TMPRSS15: variants seen among roughly 807,000 people sequenced by gnomAD.
TMPRSS15 encodes the protein transmembrane serine protease 15.
TMPRSS15 carries 128 observed loss-of-function variants against 125.3 expected under a neutral mutation model. The observed-to-expected ratio is 1.02, with a 90% CI of 0.89 to 1.18. TMPRSS15 has a LOEUF of 1.18. TMPRSS15 is among the 50% of genes most tolerant of loss of function. The pLI is 0.00. For missense variants in TMPRSS15, 1,283 were observed against 1,212.7 expected, an observed-to-expected ratio of 1.06 and a Z score of -0.86; for synonymous variants, 446 against 423.2, an observed-to-expected ratio of 1.05 and a Z score of -0.66.
intron 17 of TMPRSS15, 129 bp from the exon 18 acceptor site, chr21:18,313,206 C>A: frequency 1.4e-6 from 1 of 734,104 alleles, no homozygotes; most frequent in Non-Finnish European, 2.4e-6. Flanking sequence ...TCTTGCACAG[C>A]ACTGTGACTA....
Position 18,403,607 on chromosome 21 carries a change from C to T in TMPRSS15, c.16G>A (p.Gly6Ser), listed in dbSNP as rs772148376. The change falls in exon 1 of 25, where the codon GGC becomes AGC. Residue 6 changes from glycine (G) to serine (S), a missense_variant. Transcript: ENST00000284885. ...AGAGAATGATGCCTAGAAGATATGC[C>T]TCTTTTCGACCCCATTTTTGGTTTT... MGSKR[G>S]ISSRHHSLSS... 11 of 1,614,070 alleles carry T rather than the reference C, an allele frequency of 6.8e-6. No homozygotes were observed. The East Asian group carries it at 2.0e-4, about 29-fold the overall frequency.
intron 24 of TMPRSS15, among the ~76,000 whole-genome samples, chr21:18,273,030 C>T (rs189560023): frequency 1.2e-4 from 18 of 152,180 alleles, no homozygotes; most frequent in Admixed American, 1.2e-3. Flanking sequence ...TGTGATGAGC[C>T]CTGATAATTT....
At chr21:18,377,761 G>A (rs2824784) in intron 5 of TMPRSS15, among the ~76,000 whole-genome samples, 12,594 of 152,048 alleles carry the variant, frequency 0.083, 614 homozygotes, top group Non-Finnish European at 0.11. Context: ...TGTAGTTTAC[G>A]TGTAGAAGAG....
chr21:18,275,175 G>A (rs1365711471), intron 24 of TMPRSS15, 22 bp downstream of exon 24: 2 of 1,612,960 alleles, frequency 1.2e-6, no homozygotes, highest in Admixed American at 3.3e-5. Context: ...AAAAGGTACA[G>A]TGAGCAGTTT....
At chr21:18,285,263 T>A (rs2074749205) in intron 21 of TMPRSS15, among the ~76,000 whole-genome samples, 1 of 152,154 alleles carries the variant, frequency 6.6e-6, no homozygotes, top group Admixed American at 6.5e-5. Context: ...TGTGGCAATG[T>A]GCTGATGTGA....
upstream of TMPRSS15, among the ~76,000 whole-genome samples, chr21:18,406,103 AG>A (rs1350448223): frequency 6.6e-6 from 1 of 152,160 alleles, no homozygotes; most frequent in Non-Finnish European, 1.5e-5. Context: ...CTCCATGAGA[AG>A]GGCTGGGAAG....
At chr21:18,393,726 T>C (rs1569053549) in intron 3 of TMPRSS15, among the ~76,000 whole-genome samples, 1 of 152,188 alleles carries the variant, frequency 6.6e-6, no homozygotes, top group East Asian at 1.9e-4. Flanking sequence ...ACCTTAATCA[T>C]CACATAAATT....
intron 16 of TMPRSS15, among the ~76,000 whole-genome samples, chr21:18,320,756 T>C (rs983282248): frequency 2.6e-5 from 4 of 152,236 alleles, no homozygotes; most frequent in African/African-American, 9.6e-5. Flanking sequence ...TTCAAAATTT[T>C]CCTTACACGC....
chr21:18,372,208 C>G lies in TMPRSS15; in HGVS notation c.649G>C (p.Asp217His). 2 of 1,606,686 alleles carry G rather than the reference C, an allele frequency of 1.2e-6. No individual in the cohort carries two copies. The highest frequency in any genetic ancestry group is 1.3e-5 in the African/African-American group (1 of 74,326). Reference sequence around the variant, plus strand: ...GAGAACTTACCACACATTTTATTGTCTTCGTCAGAACCATCTGGACAGTTT... The same window carrying G: ...GAGAACTTACCACACATTTTATTGTGTTCGTCAGAACCATCTGGACAGTTT... ...EVNCPDGSDE[D>H]NKMCATVCDG... is the part of the protein sequence containing the mutation. Residue 217 changes from aspartate to histidine, a missense_variant, in exon 6 of 25, where the codon GAC (aspartate) becomes CAC (histidine). Coordinates refer to ENST00000284885, the MANE Select transcript of TMPRSS15 (RefSeq NM_002772.3).
chr21:18,279,170 G>A, intron 22 of TMPRSS15, 111 bp from the exon 23 acceptor site: 4 of 673,014 alleles, frequency 5.9e-6, no homozygotes, highest in South Asian at 1.7e-5. Flanking sequence ...TAAAAAACAT[G>A]TATTTTTTTT....
At chr21:18,351,821 A>C (rs1466827998) in intron 10 of TMPRSS15, among the ~76,000 whole-genome samples, 1 of 152,192 alleles carries the variant, frequency 6.6e-6, no homozygotes. Flanking sequence ...TAAGTGAGTA[A>C]ATATAATGCT....
At chr21:18,396,808 G>GTCTGTCTGTCTGTCTGTCTATCTATCTA (rs1461927983) in intron 3 of TMPRSS15, among the ~76,000 whole-genome samples, 1,720 of 107,712 alleles carry the variant, frequency 0.016, 31 homozygotes, top group East Asian at 0.045. Context: ...CTGTCTGTCT[G>GTCTGTCTGTCTGTCTGTCTATCTATCTA]TCTATCTATC....
chr21:18,353,942 G>GACA (rs1180114043), intron 8 of TMPRSS15, 79 bp from the exon 9 acceptor site: 2 of 1,377,000 alleles, frequency 1.5e-6, no homozygotes, highest in African/African-American at 2.9e-5. Context: ...TCCATCTACT[G>GACA]AACTATCAGT....
intron 15 of TMPRSS15, 68 bp from the exon 16 acceptor site, chr21:18,326,640 A>T: frequency 4.4e-6 from 7 of 1,592,030 alleles, no homozygotes; most frequent in Non-Finnish European, 6.0e-6. Context: ...TGTACCCCAC[A>T]TCTCAGTTCC....
intron 21 of TMPRSS15, among the ~76,000 whole-genome samples, chr21:18,286,054 G>A (rs1427919426): frequency 6.6e-6 from 1 of 152,164 alleles, no homozygotes. Flanking sequence ...AAACACTCCT[G>A]AGCATAATTT....
At chr21:18,314,997 G>A (rs1030796480) in intron 17 of TMPRSS15, 149 bp downstream of exon 17, 1 of 704,258 alleles carries the variant, frequency 1.4e-6, no homozygotes, top group Admixed American at 2.0e-5. Flanking sequence ...GGGGACAGAG[G>A]TGCTAAAATC....
At chr21:18,478,909 C>A (rs1463564679) in intron 1 of TMPRSS15, among the ~76,000 whole-genome samples, 1 of 151,960 alleles carries the variant, frequency 6.6e-6, no homozygotes, top group Admixed American at 6.6e-5. Context: ...CCTTTCAACA[C>A]CCTCCAGACT....
At chr21:18,460,059 C>T (rs1978523757) in intron 1 of TMPRSS15, among the ~76,000 whole-genome samples, 1 of 151,944 alleles carries the variant, frequency 6.6e-6, no homozygotes. Context: ...TAGGTAGTTT[C>T]TTGGTAATTT....
intron 3 of TMPRSS15, among the ~76,000 whole-genome samples, chr21:18,385,234 T>A (rs1292706195): frequency 6.6e-6 from 1 of 152,222 alleles, no homozygotes; most frequent in African/African-American, 2.4e-5. Flanking sequence ...GTTCAGGGTT[T>A]CCCAAACTTA....
Sources: gnomAD v4.1 joint callset for allele counts (sites outside exome capture counted in the v4.1 genomes callset) on GRCh38, gnomAD v4.1.1 for gene constraint, MANE v1.5 for transcripts, NCBI Gene and HGNC (gene_info 2026-07-23, HGNC 2026-07-21) for gene names.